The following EPS8 variants were observed in gnomAD, a reference collection of about 807,000 sequenced individuals.
EPS8 encodes EGFR pathway substrate 8, signaling adaptor.
A neutral mutation model predicts 103.8 loss-of-function variants in EPS8; 42 were observed. The ratio of observed to expected loss-of-function variants is 0.40; its 90% CI spans 0.32 to 0.52. The LOEUF is 0.52. Among genes scored for constraint, EPS8 ranks in the 20% least tolerant of loss-of-function variants. The probability of loss-of-function intolerance (pLI) is 0.40; values close to 1 mark genes in which losing one functional copy is unlikely to be tolerated. For synonymous variants in EPS8, 344 were observed against 344.6 expected (o/e 1.00, Z 0.02); for missense variants, 969 against 1,005.1 (o/e 0.96, Z 0.49).
At position 15,787,185 on chromosome 12, in the gene EPS8, AG is replaced by A. The variant is rs941865595; in HGVS notation, c.-22+1975del. Among the ~76,000 whole-genome samples the A allele has an allele frequency of 3.9e-5, 6 of 152,298 alleles. No homozygotes were observed. Among genetic ancestry groups the A allele is most frequent in the African/African-American group, 1.4e-4 (6 of 41,566 alleles). The stretch of plus-strand genomic sequence containing the variant: ...AAGTGACCTGCTGCAGAATTAAAAG[AG>A]GTATGTAAAAGAAGGGAGTAGAGAG... On this transcript the variant is annotated intron_variant, in intron 1 of 20. Transcript: ENST00000281172. The surrounding 1 kb of genome is among the most constrained non-coding windows in gnomAD (Gnocchi z 4.9).
Position 15,702,107 on chromosome 12 carries a change from G to A in EPS8, c.-21-19135C>T, listed in dbSNP as rs376225553. On this transcript the variant is annotated intron_variant, in intron 1 of 20. Coordinates refer to ENST00000281172, the MANE Select transcript of EPS8 (RefSeq NM_004447.6). This position sits in a 1 kb window ranked among gnomAD's most constrained non-coding sequence, Gnocchi z 5.1. Reference sequence around the variant, plus strand: ...ATGAGATAAACCACATTTCTCTGCCGTGCAGATTATTAGGAGGCAGTATAA... The same window carrying A: ...ATGAGATAAACCACATTTCTCTGCCATGCAGATTATTAGGAGGCAGTATAA... Among the ~76,000 whole-genome samples, 29 of 152,288 alleles carry A rather than the reference G, an allele frequency of 1.9e-4. No individual in the cohort carries two copies. The highest frequency in any genetic ancestry group is 6.5e-4 in the African/African-American group (27 of 41,568).
At position 15,780,479 on chromosome 12, in the gene EPS8, T is replaced by TAA. The variant is rs1947249171; in HGVS notation, c.-22+8680_-22+8681dup. ...CTCTCCTTTCTGCTATGTGCTGGGA[T>TAA]AAACACACACACACACACACACACA... On this transcript the variant is annotated intron_variant, in intron 1 of 20. Coordinates refer to ENST00000281172, the MANE Select transcript of EPS8 (RefSeq NM_004447.6). The surrounding 1 kb of genome is among the most constrained non-coding windows in gnomAD (Gnocchi z 4.1). 3.1e-5 allele frequency: 1 copy of TAA among 32,608 alleles called. No individual in the cohort carries two copies. Among genetic ancestry groups the TAA allele is most frequent in the East Asian group, 1.2e-3 (1 of 856 alleles). 2.0% of individuals were successfully genotyped at this position (32,608 alleles called of 1,614,324 possible).
At chr12:15,674,458 G>T (rs1565493598) in intron 3 of EPS8, among the ~76,000 whole-genome samples, 1 of 152,162 alleles carries the variant, frequency 6.6e-6, no homozygotes, top group Non-Finnish European at 1.5e-5. Context: ...CTATTCCATA[G>T]GGGAGAGGTG....
Position 15,714,394 on chromosome 12 carries a change from T to C in EPS8, c.-21-31422A>G, listed in dbSNP as rs1404272661. Among the ~76,000 whole-genome samples the C allele has an allele frequency of 6.6e-6, 1 of 152,102 alleles. No homozygotes were observed. ...AGTGGCTCACACCTGTAATCCCAGC[T>C]CTTTGATAGGCCACGGGTGGGAGGA... On this transcript the variant is annotated intron_variant, in intron 1 of 20. Transcript: ENST00000281172. The surrounding 1 kb of genome is among the most constrained non-coding windows in gnomAD (Gnocchi z 4.1).
Position 15,681,581 on chromosome 12 carries a change from T to C in EPS8, c.60-279A>G, listed in dbSNP as rs577578815. Among the ~76,000 whole-genome samples, 154 of 151,396 alleles carry C rather than the reference T, an allele frequency of 1.0e-3. 1 individual carries two copies. Among genetic ancestry groups the C allele is most frequent in the African/African-American group, 3.5e-3 (143 of 41,364 alleles). ...CCCCATCTCTACCGAAAATACAAAA[T>C]TAGCCGGGCGTTGTGGCGCATGCCT... On this transcript the variant is annotated intron_variant, in intron 2 of 20. Transcript: ENST00000281172.
chr12:15,716,407 A>G lies in EPS8; in HGVS notation c.-21-33435T>C, dbSNP rs576952496. Among the ~76,000 whole-genome samples the G allele has an allele frequency of 1.3e-5, 2 of 152,300 alleles. No homozygotes were observed. The highest frequency in any genetic ancestry group is 4.2e-4 in the South Asian group (2 of 4,818). ...GACAAATCATTGTCCAAATATTAAA[A>G]AAATGGCATGGACTGAAACCATCCA... On this transcript the variant is annotated intron_variant, in intron 1 of 20. Transcript: ENST00000281172. The surrounding 1 kb of genome is among the most constrained non-coding windows in gnomAD (Gnocchi z 5.0).
In EPS8 at chr12:15,727,205, C is replaced by T. The variant is rs1001806258; in HGVS notation, c.-21-44233G>A. Reference sequence around the variant, plus strand: ...TTACAAAGCCTGGGCACCTGGGGTTCTGATTACTTCCCTCGTGGATTTAAT... The same window carrying T: ...TTACAAAGCCTGGGCACCTGGGGTTTTGATTACTTCCCTCGTGGATTTAAT... On this transcript the variant is annotated intron_variant, in intron 1 of 20. Transcript: ENST00000281172. This position sits in a 1 kb window ranked among gnomAD's most constrained non-coding sequence, Gnocchi z 4.3. Among the ~76,000 whole-genome samples the T allele has an allele frequency of 1.3e-5, 2 of 152,158 alleles. No homozygotes were observed. Among genetic ancestry groups the T allele is most frequent in the Admixed American group, 6.5e-5 (1 of 15,274 alleles).
chr12:15,668,477 A>G (rs935654202), intron 6 of EPS8, among the ~76,000 whole-genome samples: 15 of 152,222 alleles, frequency 9.9e-5, no homozygotes, highest in Non-Finnish European at 1.6e-4. Flanking sequence ...TTTCTCTTTT[A>G]AAGAAAACAA....
chr12:15,715,029 C>A (rs1946513171), intron 1 of EPS8, among the ~76,000 whole-genome samples: 1 of 152,194 alleles, frequency 6.6e-6, no homozygotes, highest in South Asian at 2.1e-4. Context: ...CTGTGACATG[C>A]CACCCACATC....
chr12:15,661,183 G>T (rs951690528), intron 9 of EPS8, among the ~76,000 whole-genome samples: 1 of 152,128 alleles, frequency 6.6e-6, no homozygotes, highest in African/African-American at 2.4e-5. Context: ...GCTAGTCTAG[G>T]ATACTAAGCA....
rs865952223 is a variant in EPS8, at chr12:15,696,924, C to T, written c.-21-13952G>A. Among the ~76,000 whole-genome samples, 2 of 152,040 alleles carry T rather than the reference C, an allele frequency of 1.3e-5. No homozygotes were observed. The highest frequency in any genetic ancestry group is 2.1e-4 in the South Asian group (1 of 4,828). ...AGTGACCAAAGAACCTTCATGTTCC[C>T]GGATCACATTATATAGATTTTTGTT... is the stretch of plus-strand genomic sequence containing the variant. On this transcript the variant is annotated intron_variant, in intron 1 of 20. Coordinates refer to ENST00000281172, the MANE Select transcript of EPS8 (RefSeq NM_004447.6). This position sits in a 1 kb window ranked among gnomAD's most constrained non-coding sequence, Gnocchi z 4.8.
chr12:15,670,978 A>G, intron 3 of EPS8, 55 bp from the exon 4 acceptor site: 1 of 1,299,904 alleles, frequency 7.7e-7, no homozygotes, highest in Non-Finnish European at 1.1e-6. Flanking sequence ...TGAAGTTCAT[A>G]TGTTGGTATC....
Position 15,631,433 on chromosome 12 carries a change from G to C in EPS8, c.2044+9C>G. ...CAGAAGACATTTTTTGCCTCCCTGGGAAACTTACGGTCCACCGGAAGTTGT... is the reference window on the plus strand; with the variant it reads ...CAGAAGACATTTTTTGCCTCCCTGGCAAACTTACGGTCCACCGGAAGTTGT... On this transcript the variant is annotated intron_variant, in intron 18 of 20. Coordinates refer to ENST00000281172, the MANE Select transcript of EPS8 (RefSeq NM_004447.6). The C allele has an allele frequency of 1.2e-6, 2 of 1,613,250 alleles. No homozygotes were observed. The highest frequency in any genetic ancestry group is 1.7e-6 in the Non-Finnish European group (2 of 1,179,652).
chr12:15,704,948 G>A lies in EPS8; in HGVS notation c.-21-21976C>T, dbSNP rs1486819385. The stretch of plus-strand genomic sequence containing the variant: ...CAAAAAACTGTCCTTAAAATCCTGT[G>A]TGTATATACACACACACATACATAT... On this transcript the variant is annotated intron_variant, in intron 1 of 20. Coordinates refer to ENST00000281172, the MANE Select transcript of EPS8 (RefSeq NM_004447.6). The surrounding 1 kb of genome is among the most constrained non-coding windows in gnomAD (Gnocchi z 4.6). 2.0e-5 allele frequency among the ~76,000 whole-genome samples: 3 copies of A among 152,072 alleles called. No individual in the cohort carries two copies. Among genetic ancestry groups the A allele is most frequent in the Non-Finnish European group, 4.4e-5 (3 of 68,012 alleles).
rs1945214719 is a variant in EPS8, at chr12:15,640,757, T to C, written c.1767A>G (p.Arg589=). The C allele has an allele frequency of 6.2e-6, 10 of 1,613,772 alleles. No individual in the cohort carries two copies. Among genetic ancestry groups the C allele is most frequent in the Admixed American group, 1.7e-5 (1 of 59,974 alleles). ...FVPNNILDIV[R]PPESGLGRAD... ...CACGCCCCAATCCAGATTCTGGAGG[T>C]CTCACAATATCCAAAATGTTATTTG... The change falls in exon 17 of 21, where the codon AGA becomes AGG. Residue 589 remains arginine (R), a synonymous_variant. Transcript: ENST00000281172.
At chr12:15,668,503 C>T (rs915825696) in intron 6 of EPS8, among the ~76,000 whole-genome samples, 42 of 152,276 alleles carry the variant, frequency 2.8e-4, no homozygotes, top group African/African-American at 9.9e-4. Context: ...GAAATAAACA[C>T]ATTCAAGGTT....
Position 15,688,690 on chromosome 12 carries a change from C to T in EPS8, c.-21-5718G>A, listed in dbSNP as rs1042722974. 1.3e-5 allele frequency among the ~76,000 whole-genome samples: 2 copies of T among 152,076 alleles called. No homozygotes were observed. Among genetic ancestry groups the T allele is most frequent in the Non-Finnish European group, 2.9e-5 (2 of 68,016 alleles). ...GGAAAACCATTCTCCCTTGTGGCTCCCCCATCTGCTGAGAGCTACCTCCAC... is the reference window on the plus strand; with the variant it reads ...GGAAAACCATTCTCCCTTGTGGCTCTCCCATCTGCTGAGAGCTACCTCCAC... On this transcript the variant is annotated intron_variant, in intron 1 of 20. Coordinates refer to ENST00000281172, the MANE Select transcript of EPS8 (RefSeq NM_004447.6). This position sits in a 1 kb window ranked among gnomAD's most constrained non-coding sequence, Gnocchi z 5.1.
intron 1 of EPS8, among the ~76,000 whole-genome samples, chr12:15,720,454 A>T (rs1366841527): frequency 6.6e-6 from 1 of 151,928 alleles, no homozygotes; most frequent in Non-Finnish European, 1.5e-5. Context: ...CCCAACAATA[A>T]CTCTTCTTTA....
Position 15,733,418 on chromosome 12 carries a change from C to A in EPS8, c.-21-50446G>T, listed in dbSNP as rs2135996534. Among the ~76,000 whole-genome samples, 2 of 152,286 alleles carry A rather than the reference C, an allele frequency of 1.3e-5. No individual in the cohort carries two copies. Among genetic ancestry groups the A allele is most frequent in the Middle Eastern group, 6.8e-3 (2 of 294 alleles). On this transcript the variant is annotated intron_variant, in intron 1 of 20. Coordinates refer to ENST00000281172, the MANE Select transcript of EPS8 (RefSeq NM_004447.6). This position sits in a 1 kb window ranked among gnomAD's most constrained non-coding sequence, Gnocchi z 4.8. ...CCAATCACCTCCCACCAGCTCCCTCCCTCAACACATGGGGATTCTGGGGAT... is the reference window on the plus strand; with the variant it reads ...CCAATCACCTCCCACCAGCTCCCTCACTCAACACATGGGGATTCTGGGGAT...
Sources: gnomAD v4.1 joint callset for allele counts (sites outside exome capture counted in the v4.1 genomes callset) on GRCh38, gnomAD v4.1.1 for gene constraint, Gnocchi (gnomAD v3.1) non-coding constraint, MANE v1.5 for transcripts, NCBI Gene and HGNC (gene_info 2026-07-23, HGNC 2026-07-21) for gene names.